The following MYOCD variants were observed in gnomAD, a reference collection of about 807,000 sequenced individuals.
MYOCD encodes the protein myocardin.
MYOCD carries 32 observed loss-of-function variants against 96.1 expected under a neutral mutation model. The ratio of observed to expected loss-of-function variants is 0.33; its 90% CI spans 0.25 to 0.45. The LOEUF (loss-of-function observed/expected upper bound fraction) is 0.45, where lower values mean the gene tolerates loss of function less well. Ranked by LOEUF, MYOCD falls within the 20% of genes least tolerant of loss-of-function variation. The pLI is 1.00. For synonymous variants in MYOCD, 469 were observed against 469.0 expected, an observed-to-expected ratio of 1.00 and a Z score of 0.00; for missense variants, 1,133 against 1,200.6, an observed-to-expected ratio of 0.94 and a Z score of 0.83.
intron 1 of MYOCD, among the ~76,000 whole-genome samples, chr17:12,704,449 T>C (rs2031208556): frequency 1.3e-5 from 2 of 152,204 alleles, no homozygotes; most frequent in Non-Finnish European, 2.9e-5. Context: ...CATACTTATA[T>C]TTATTTATAA....
intron 8 of MYOCD, among the ~76,000 whole-genome samples, chr17:12,745,505 G>A (rs1362501214): frequency 1.3e-5 from 2 of 152,112 alleles, no homozygotes; most frequent in Non-Finnish European, 2.9e-5. Flanking sequence ...CACCGTGCCT[G>A]GCCAGGTCAC....
chr17:12,668,518 G>A (rs1909496150), intron 1 of MYOCD, among the ~76,000 whole-genome samples: 2 of 152,198 alleles, frequency 1.3e-5, no homozygotes, highest in Non-Finnish European at 1.5e-5. Context: ...CTTTCTATAA[G>A]CTGTATTTGA....
chr17:12,673,974 T>C (rs113943669), intron 1 of MYOCD, among the ~76,000 whole-genome samples: 2,427 of 152,298 alleles, frequency 0.016, 75 homozygotes, highest in African/African-American at 0.055. Flanking sequence ...GAAACTTCCA[T>C]GTGGTCTGCT....
At position 12,763,367 on chromosome 17, in the gene MYOCD, C is replaced by T; in HGVS notation, c.2684C>T (p.Ala895Val). Residue 895 changes from alanine (A) to valine (V), a missense_variant, in exon 14 of 14, where the codon GCA becomes GTA. Physicochemically the swap from Ala to Val is moderately conservative, Grantham distance 64 (BLOSUM62 0). Transcript: ENST00000425538. ...ATGGATGGATTCTCTGGGAAGGCTG[C>T]AGAAGACCTCTTCAATGCACATGAG... ...GIMDGFSGKA[A>V]EDLFNAHEIL... is the part of the protein sequence containing the mutation. 1 of 1,598,262 alleles carries T rather than the reference C, an allele frequency of 6.3e-7. No homozygotes were observed. Among genetic ancestry groups the T allele is most frequent in the Non-Finnish European group, 8.5e-7 (1 of 1,172,050 alleles).
At chr17:12,758,257 A>G (rs779718527) in intron 12 of MYOCD, 44 bp downstream of exon 12, 40 of 1,612,300 alleles carry the variant, frequency 2.5e-5, no homozygotes, top group Non-Finnish European at 3.2e-5. Flanking sequence ...GACTGACTCA[A>G]TGAACAGACA....
rs73977963 is a variant in MYOCD at position 12,732,243 on chromosome 17, G to T, written c.416-3918G>T. ...ACAAGCAATGTCTCTCCAGGGGTTGGCTCCTAAAATAGCCCTCTCCCCTGG... is the reference window on the plus strand; with the variant it reads ...ACAAGCAATGTCTCTCCAGGGGTTGTCTCCTAAAATAGCCCTCTCCCCTGG... On this transcript the variant is annotated intron_variant, in intron 5 of 13. Coordinates refer to ENST00000425538, the MANE Select transcript of MYOCD (RefSeq NM_001146312.3). 3.8e-3 allele frequency among the ~76,000 whole-genome samples: 583 copies of T among 152,194 alleles called. 2 individuals carry two copies. Among genetic ancestry groups the T allele is most frequent in the African/African-American group, 0.013 (552 of 41,504 alleles).
intron 1 of MYOCD, among the ~76,000 whole-genome samples, chr17:12,690,975 A>G (rs2030417601): frequency 6.6e-6 from 1 of 152,200 alleles, no homozygotes; most frequent in Non-Finnish European, 1.5e-5. Flanking sequence ...ATTCACTAAT[A>G]TTCTTAAATT....
intron 7 of MYOCD, among the ~76,000 whole-genome samples, chr17:12,743,841 C>T (rs2032583128): frequency 6.6e-6 from 1 of 152,082 alleles, no homozygotes; most frequent in African/African-American, 2.4e-5. Context: ...CAGAATGCAA[C>T]CTTTGTTAGG....
intron 1 of MYOCD, among the ~76,000 whole-genome samples, chr17:12,702,365 T>A (rs985904681): frequency 6.6e-6 from 1 of 151,998 alleles, no homozygotes; most frequent in Non-Finnish European, 1.5e-5. Flanking sequence ...TTATTTCAGC[T>A]TTCTTATGCT....
intron 1 of MYOCD, among the ~76,000 whole-genome samples, chr17:12,674,764 T>C (rs1240795857): frequency 6.6e-6 from 1 of 152,172 alleles, no homozygotes; most frequent in Non-Finnish European, 1.5e-5. Context: ...TGGAAATAAG[T>C]AAATTGAGAT....
At chr17:12,702,618 C>T (rs953441619) in intron 1 of MYOCD, among the ~76,000 whole-genome samples, 2 of 151,788 alleles carry the variant, frequency 1.3e-5, no homozygotes, top group Non-Finnish European at 2.9e-5. Context: ...CTTTTTGTTC[C>T]TATATTCCCC....
chr17:12,721,021 T>TAAAA (rs760458241), intron 4 of MYOCD, among the ~76,000 whole-genome samples: 4 of 107,570 alleles, frequency 3.7e-5, no homozygotes, highest in Admixed American at 1.1e-4. Flanking sequence ...GACTCTGTCT[T>TAAAA]AAAAAAAAAA....
chr17:12,704,830 C>T, intron 1 of MYOCD: 1 of 260,532 alleles, frequency 3.8e-6, no homozygotes, highest in Middle Eastern at 1.3e-3. Flanking sequence ...TGATATTTAT[C>T]TTGCAAATGA....
At chr17:12,748,976 A>G (rs1452749822) in intron 9 of MYOCD, among the ~76,000 whole-genome samples, 1 of 152,232 alleles carries the variant, frequency 6.6e-6, no homozygotes, top group Non-Finnish European at 1.5e-5. Flanking sequence ...ATTTTGAAAG[A>G]TAAGACTAAC....
chr17:12,712,776 CA>C (rs1385272621), intron 2 of MYOCD, among the ~76,000 whole-genome samples: 1 of 151,366 alleles, frequency 6.6e-6, no homozygotes, highest in Non-Finnish European at 1.5e-5. Context: ...TATTTTAATT[CA>C]AAATCACATG....
At chr17:12,693,388 T>A (rs555117756) in intron 1 of MYOCD, among the ~76,000 whole-genome samples, 1 of 152,044 alleles carries the variant, frequency 6.6e-6, no homozygotes, top group Non-Finnish European at 1.5e-5. Flanking sequence ...GGTGGGCGGA[T>A]CACCCGAGGT....
intron 5 of MYOCD, among the ~76,000 whole-genome samples, chr17:12,728,890 C>G (rs183197676): frequency 8.5e-5 from 13 of 152,280 alleles, no homozygotes; most frequent in Middle Eastern, 3.4e-3. Flanking sequence ...TAATTCAGCC[C>G]CTCCGGGGCT....
chr17:12,757,023 A>C (rs569656854), intron 11 of MYOCD, among the ~76,000 whole-genome samples: 2 of 152,200 alleles, frequency 1.3e-5, no homozygotes, highest in East Asian at 3.9e-4. Flanking sequence ...AAACAACTTG[A>C]ACAGTAAACC....
At position 12,768,596 on chromosome 17, in the gene MYOCD, T is replaced by A. The variant is rs571073693; in HGVS notation, c.*4952T>A. The A allele has an allele frequency of 1.3e-5, 2 of 152,334 alleles. No homozygotes were observed. Among genetic ancestry groups the A allele is most frequent in the South Asian group, 2.1e-4 (1 of 4,830 alleles). The allele number at this position is 152,334 out of a possible 1,614,324, so 9.4% of individuals were successfully genotyped here. A position where few individuals can be genotyped will look rare whatever the true frequency, so the allele number is the denominator to read the frequency against. On this transcript the variant is annotated 3_prime_UTR_variant, in exon 14 of 14. Coordinates refer to ENST00000425538, the MANE Select transcript of MYOCD (RefSeq NM_001146312.3). ...ATGATGGGGATGCTGGAAGCTTTTT[T>A]AATGTTTTCCAAAGGAAAGGAACCC...
Sources: gnomAD v4.1 joint callset for allele counts (sites outside exome capture counted in the v4.1 genomes callset) on GRCh38, gnomAD v4.1.1 for gene constraint, MANE v1.5 for transcripts, NCBI Gene and HGNC (gene_info 2026-07-23, HGNC 2026-07-21) for gene names.